CHD9: variants seen among roughly 807,000 people sequenced by gnomAD.
The protein encoded by CHD9 is chromodomain helicase DNA binding protein 9.
A neutral mutation model predicts 316.1 loss-of-function variants in CHD9; 77 were observed. That is an observed-to-expected ratio of 0.24 (90% confidence interval 0.20 to 0.29). CHD9 has a LOEUF of 0.29. CHD9 is among the 10% of genes least tolerant of loss of function. The pLI, the probability that CHD9 is intolerant of heterozygous loss-of-function variation, is 1.00. For synonymous variants in CHD9, 1,129 were observed against 1,158.3 expected (o/e 0.97, Z 0.51); for missense variants, 2,763 against 3,438.1 (o/e 0.80, Z 4.91).
chr16:53,221,312 A>G (rs544725685), intron 3 of CHD9, among the ~76,000 whole-genome samples: 3 of 152,352 alleles, frequency 2.0e-5, no homozygotes, highest in Non-Finnish European at 4.4e-5. Flanking sequence ...ACAGATAGGT[A>G]CATGGTGGAG....
chr16:53,304,662 A>ACTTTT lies in CHD9; in HGVS notation c.6619+68_6619+72dup, dbSNP rs201143410. The ACTTTT allele has an allele frequency of 1.4e-3, 1,829 of 1,265,908 alleles. 3 individuals carry two copies. The highest frequency in any genetic ancestry group is 4.4e-3 in the African/African-American group (276 of 62,944). The allele number at this position is 1,265,908 out of a possible 1,614,324, so 78.4% of individuals were successfully genotyped here. A position where few individuals can be genotyped will look rare whatever the true frequency, so the allele number is the denominator to read the frequency against. On this transcript the variant is annotated intron_variant, in intron 31 of 38. Coordinates refer to ENST00000447540, the MANE Select transcript of CHD9 (RefSeq NM_001308319.2). ...AAAATAATTCTACTTTTTTAACATAACTTTTCTTTTCTTTTCTTTTCTTTT... is the reference window on the plus strand; with the variant it reads ...AAAATAATTCTACTTTTTTAACATAACTTTTCTTTTCTTTTCTTTTCTTTTCTTTT...
intron 1 of CHD9, among the ~76,000 whole-genome samples, chr16:53,104,980 G>T (rs1043122269): frequency 2.0e-5 from 3 of 147,128 alleles, no homozygotes; most frequent in Non-Finnish European, 4.5e-5. Flanking sequence ...ACCATGACTG[G>T]CTAATTAAAA....
chr16:53,180,979 A>C (rs2043462605), intron 2 of CHD9, among the ~76,000 whole-genome samples: 1 of 151,444 alleles, frequency 6.6e-6, no homozygotes, highest in Non-Finnish European at 1.5e-5. Context: ...CCAGCCTGAA[A>C]CAGGCATCTC....
At chr16:53,201,836 C>A (rs2152850169) in intron 2 of CHD9, among the ~76,000 whole-genome samples, 1 of 151,150 alleles carries the variant, frequency 6.6e-6, no homozygotes, top group East Asian at 1.9e-4. Context: ...TTGGGGGGAT[C>A]AGTTTGAGGT....
chr16:53,147,905 A>G (rs759746456), intron 1 of CHD9, among the ~76,000 whole-genome samples: 45 of 152,000 alleles, frequency 3.0e-4, no homozygotes, highest in Admixed American at 8.5e-4. Context: ...TAACTTTTTT[A>G]AATGTTTGCT....
chr16:53,304,821 A>G (rs375265350), intron 31 of CHD9, among the ~76,000 whole-genome samples, 196 bp downstream of exon 31: 10 of 149,844 alleles, frequency 6.7e-5, no homozygotes, highest in African/African-American at 2.4e-4. Context: ...CAGCCTCCCA[A>G]GTAGCTGGGA....
intron 32 of CHD9, among the ~76,000 whole-genome samples, chr16:53,306,911 C>T (rs919580070): frequency 3.3e-5 from 5 of 152,128 alleles, no homozygotes; most frequent in African/African-American, 1.2e-4. Context: ...TCCCAAGTAG[C>T]TGAGATTACA....
chr16:53,143,537 G>A (rs1328770507), intron 1 of CHD9, among the ~76,000 whole-genome samples: 1 of 151,700 alleles, frequency 6.6e-6, no homozygotes, highest in Non-Finnish European at 1.5e-5. Flanking sequence ...ACAGGCACCC[G>A]CCACCATGCC....
intron 2 of CHD9, among the ~76,000 whole-genome samples, chr16:53,195,789 G>T (rs2044862580): frequency 6.7e-6 from 1 of 148,202 alleles, no homozygotes; most frequent in South Asian, 2.1e-4. Flanking sequence ...TTGAGATAGG[G>T]TCTCGCTCTG....
chr16:53,254,256 C>G (rs1158014868), intron 17 of CHD9, among the ~76,000 whole-genome samples, 182 bp from the exon 18 acceptor site: 1 of 152,108 alleles, frequency 6.6e-6, no homozygotes, highest in Non-Finnish European at 1.5e-5. Flanking sequence ...TTTTAACTTA[C>G]TACTGATTGT....
In CHD9 at chr16:53,245,140, G is replaced by A. The variant is rs747552973; in HGVS notation, c.3055-196G>A. 2.0e-5 allele frequency among the ~76,000 whole-genome samples: 3 copies of A among 151,858 alleles called. No individual in the cohort carries two copies. Among genetic ancestry groups the A allele is most frequent in the African/African-American group, 7.3e-5 (3 of 41,326 alleles). On this transcript the variant is annotated intron_variant, in intron 13 of 38. Coordinates refer to ENST00000447540, the MANE Select transcript of CHD9 (RefSeq NM_001308319.2). The surrounding 1 kb of genome is among the most constrained non-coding windows in gnomAD (Gnocchi z 4.1). Reference sequence around the variant, plus strand: ...ACTATGATGGCATCACTGCACTCCAGCCTGGGTGTCACAGCAAGACCTTGT... The same window carrying A: ...ACTATGATGGCATCACTGCACTCCAACCTGGGTGTCACAGCAAGACCTTGT...
In CHD9 at chr16:53,285,618, G is replaced by A; in HGVS notation, c.4990G>A (p.Glu1664Lys). 2 of 1,605,354 alleles carry A rather than the reference G, an allele frequency of 1.2e-6. No individual in the cohort carries two copies. Among genetic ancestry groups the A allele is most frequent in the South Asian group, 2.2e-5 (2 of 90,046 alleles). The change falls in exon 25 of 39, where the codon GAA (glutamate) becomes AAA (lysine). Residue 1664 changes from glutamate (E) to lysine (K), a missense_variant. By Grantham distance (56) the Glu-to-Lys change is moderately conservative. Coordinates refer to ENST00000447540, the MANE Select transcript of CHD9 (RefSeq NM_001308319.2). ...DASDIDVWVP[E>K]PDHSEVPAEW... is the part of the protein sequence containing the mutation. The stretch of plus-strand genomic sequence containing the variant: ...AAGTGACATTGATGTTTGGGTACCA[G>A]AACCAGACCACTCAGAAGTTCCTGC...
intron 1 of CHD9, among the ~76,000 whole-genome samples, chr16:53,083,885 G>A (rs114537709): frequency 0.013 from 2,023 of 152,006 alleles, 50 homozygotes; most frequent in African/African-American, 0.047. Flanking sequence ...CAAGTAGCTA[G>A]GACTACAAGT....
intron 2 of CHD9, among the ~76,000 whole-genome samples, chr16:53,191,037 G>T (rs116871422): frequency 6.6e-6 from 1 of 152,000 alleles, no homozygotes; most frequent in East Asian, 1.9e-4. Context: ...AATCATTACC[G>T]CAATTAAGAT....
In CHD9 at chr16:53,238,687, C is replaced by T. The variant is rs2048831347; in HGVS notation, c.2877+101C>T. 4 of 1,167,870 alleles carry T rather than the reference C, an allele frequency of 3.4e-6. No individual in the cohort carries two copies. In the South Asian group the frequency reaches 5.9e-5, roughly 17 times the overall value. 72.3% of individuals were successfully genotyped at this position (1,167,870 alleles called of 1,614,324 possible). Reference sequence around the variant, plus strand: ...TCAAATTTAGGATACATTTTAATTGCCTACCTAGATCTTAGTTTAAGTTCT... The same window carrying T: ...TCAAATTTAGGATACATTTTAATTGTCTACCTAGATCTTAGTTTAAGTTCT... On this transcript the variant is annotated intron_variant, in intron 12 of 38. Transcript: ENST00000447540.
chr16:53,064,824 A>G (rs180762883), intron 1 of CHD9, among the ~76,000 whole-genome samples: 14 of 152,268 alleles, frequency 9.2e-5, no homozygotes, highest in African/African-American at 3.4e-4. Context: ...AAATAGAAAA[A>G]TTAGCCAGGT....
intron 19 of CHD9, 61 bp from the exon 20 acceptor site, chr16:53,262,926 G>C: frequency 1.6e-6 from 2 of 1,246,358 alleles, no homozygotes; most frequent in Non-Finnish European, 2.4e-6. Context: ...AATGTGAGGA[G>C]ATAATGTTTT....
At chr16:53,271,852 C>T (rs2052304030) in intron 22 of CHD9, among the ~76,000 whole-genome samples, 1 of 151,962 alleles carries the variant, frequency 6.6e-6, no homozygotes, top group Non-Finnish European at 1.5e-5. Context: ...TACAGAATAT[C>T]TGTAGATTTC....
At chr16:53,255,562 A>G (rs1458009784) in intron 18 of CHD9, 38 bp from the exon 19 acceptor site, 1 of 1,567,958 alleles carries the variant, frequency 6.4e-7, no homozygotes, top group South Asian at 1.2e-5. Context: ...TATGAACTTT[A>G]AAAAAAACTA....
Sources: gnomAD v4.1 joint callset for allele counts (sites outside exome capture counted in the v4.1 genomes callset) on GRCh38, gnomAD v4.1.1 for gene constraint, Gnocchi (gnomAD v3.1) non-coding constraint, MANE v1.5 for transcripts, NCBI Gene and HGNC (gene_info 2026-07-23, HGNC 2026-07-21) for gene names.